GRID2: variants seen among roughly 807,000 people sequenced by gnomAD.
GRID2 encodes the protein glutamate receptor ionotropic, delta-2.
Under a neutral mutation model 114.8 loss-of-function variants are expected in GRID2, and 33 were observed. The observed-to-expected ratio is 0.29, with a 90% CI of 0.22 to 0.38. The LOEUF (loss-of-function observed/expected upper bound fraction) is 0.38, where lower values mean the gene tolerates loss of function less well. Among genes scored for constraint, GRID2 ranks in the 10% least tolerant of loss-of-function variants. GRID2 has a pLI of 1.00. For missense variants in GRID2, 1,184 were observed against 1,257.7 expected (o/e 0.94, Z 0.89); for synonymous variants, 505 against 449.9 (o/e 1.12, Z -1.55).
intron 1 of GRID2, among the ~76,000 whole-genome samples, chr4:93,797,994 A>C (rs1265276474): frequency 6.6e-6 from 1 of 152,002 alleles, no homozygotes; most frequent in Non-Finnish European, 1.5e-5. Flanking sequence ...CTCTACTAAA[A>C]ATACAAAAAT....
At position 93,610,876 on chromosome 4, in the gene GRID2, T is replaced by A. The variant is rs941695777; in HGVS notation, c.2194-15393T>A. Among the ~76,000 whole-genome samples, 4 of 138,016 alleles carry A rather than the reference T, an allele frequency of 2.9e-5. 1 individual carries two copies. The highest frequency in any genetic ancestry group is 6.0e-5 in the African/African-American group (2 of 33,266). 90.5% of individuals were successfully genotyped at this position (138,016 alleles called of 152,430 possible). ...CTCTTTTTCTATTGATTGGAATAGT[T>A]TCAGAAGGAATGGTACCAGTTCCTC... On this transcript the variant is annotated intron_variant, in intron 13 of 15. Coordinates refer to ENST00000282020, the MANE Select transcript of GRID2 (RefSeq NM_001510.4).
chr4:93,658,592 C>A (rs1285099746), intron 14 of GRID2, among the ~76,000 whole-genome samples: 1 of 152,174 alleles, frequency 6.6e-6, no homozygotes, highest in Non-Finnish European at 1.5e-5. Flanking sequence ...TATTCAAACC[C>A]TTATAGTCTG....
intron 8 of GRID2, among the ~76,000 whole-genome samples, chr4:93,363,780 A>C (rs1030336139): frequency 6.6e-6 from 1 of 151,950 alleles, no homozygotes; most frequent in Non-Finnish European, 1.5e-5. Context: ...GCACCCCTTT[A>C]CTTCCTCTTC....
downstream of GRID2, among the ~76,000 whole-genome samples, chr4:93,778,644 C>A (rs1019685802): frequency 6.6e-5 from 10 of 152,058 alleles, no homozygotes; most frequent in Non-Finnish European, 1.0e-4. Flanking sequence ...ATGATCTGCC[C>A]CTCTCAGTCT....
At chr4:93,755,076 T>G (rs1732631550) in intron 14 of GRID2, among the ~76,000 whole-genome samples, 1 of 152,214 alleles carries the variant, frequency 6.6e-6, no homozygotes, top group Non-Finnish European at 1.5e-5. Flanking sequence ...CTCATGAACT[T>G]GCACAGGAAT....
At position 92,728,317 on chromosome 4, in the gene GRID2, TCAGAAACC is replaced by T. The variant is rs1294501645; in HGVS notation, c.244+138039_244+138046del. Among the ~76,000 whole-genome samples the T allele has an allele frequency of 5.9e-5, 9 of 152,184 alleles. No individual in the cohort carries two copies. In the East Asian group the frequency reaches 1.7e-3, roughly 29 times the overall value. On this transcript the variant is annotated intron_variant, in intron 2 of 15. Coordinates refer to ENST00000282020, the MANE Select transcript of GRID2 (RefSeq NM_001510.4). ...TTTATTATATCACAATTGCTGTGGG[TCAGAAACC>T]CAGAAACAACTTATCTGGGTAAGTC...
In GRID2 at chr4:92,598,527, G is replaced by A. The variant is rs150386744; in HGVS notation, c.244+8241G>A. Among the ~76,000 whole-genome samples the A allele has an allele frequency of 4.5e-3, 689 of 152,028 alleles. 2 individuals are homozygous for A. Among genetic ancestry groups the A allele is most frequent in the Admixed American group, 7.3e-3 (111 of 15,246 alleles). On this transcript the variant is annotated intron_variant, in intron 2 of 15. Transcript: ENST00000282020. ...TCTTAAACTTGGTTTCATTTACCTC[G>A]CAGGGAAAAACATATATATTAAGTT... is the stretch of plus-strand genomic sequence containing the variant.
At chr4:93,440,674 G>A (rs1721542375) in intron 10 of GRID2, among the ~76,000 whole-genome samples, 2 of 152,092 alleles carry the variant, frequency 1.3e-5, no homozygotes, top group Non-Finnish European at 2.9e-5. Flanking sequence ...TGTTGATAAG[G>A]AAGGATTTTA....
chr4:92,666,650 G>GGTTTTTTT (rs1732792354), intron 2 of GRID2, among the ~76,000 whole-genome samples: 1 of 68,594 alleles, frequency 1.5e-5, no homozygotes, highest in Non-Finnish European at 2.8e-5. Flanking sequence ...CTTAAGGGTT[G>GGTTTTTTT]TTTTTTTTTT....
intron 4 of GRID2, among the ~76,000 whole-genome samples, chr4:93,170,570 T>G (rs1738708536): frequency 6.6e-6 from 1 of 152,166 alleles, no homozygotes; most frequent in African/African-American, 2.4e-5. Context: ...TAATAGCAGT[T>G]TTATTTTGGT....
At chr4:93,319,855 T>C (rs1041874130) in intron 8 of GRID2, 12 of 152,058 alleles carry the variant, frequency 7.9e-5, no homozygotes, top group African/African-American at 2.9e-4. Context: ...TGGAAGTGGA[T>C]TATTTCTTAG....
intron 1 of GRID2, among the ~76,000 whole-genome samples, chr4:92,432,836 A>T (rs1469976565): frequency 6.6e-6 from 1 of 152,110 alleles, no homozygotes; most frequent in Non-Finnish European, 1.5e-5. Context: ...TAGCCACCGC[A>T]GCTGGGAATG....
At chr4:92,589,031 G>A (rs969941406) in intron 1 of GRID2, among the ~76,000 whole-genome samples, 4 of 152,132 alleles carry the variant, frequency 2.6e-5, no homozygotes, top group African/African-American at 7.2e-5. Flanking sequence ...GCTTGAACCC[G>A]GGAGGCGGAG....
intron 2 of GRID2, among the ~76,000 whole-genome samples, chr4:92,866,726 T>G (rs908618747): frequency 1.3e-5 from 2 of 151,142 alleles, no homozygotes; most frequent in African/African-American, 4.9e-5. Flanking sequence ...TTTTTTTTTG[T>G]ACTTTTTAAT....
intron 2 of GRID2, among the ~76,000 whole-genome samples, chr4:92,947,228 G>T (rs1045976102): frequency 1.3e-5 from 2 of 151,954 alleles, no homozygotes; most frequent in Admixed American, 1.3e-4. Flanking sequence ...ATTCTAAAGA[G>T]AAAAACAATG....
chr4:92,494,015 A>G (rs1723271834), intron 1 of GRID2, among the ~76,000 whole-genome samples: 1 of 152,150 alleles, frequency 6.6e-6, no homozygotes, highest in Non-Finnish European at 1.5e-5. Flanking sequence ...TCAGCTATTT[A>G]ACTATTATTT....
chr4:92,570,898 G>T (rs1229600075), intron 1 of GRID2, among the ~76,000 whole-genome samples: 1 of 152,066 alleles, frequency 6.6e-6, no homozygotes, highest in Non-Finnish European at 1.5e-5. Flanking sequence ...TGCAAACAAG[G>T]ATATTTTGAC....
intron 2 of GRID2, among the ~76,000 whole-genome samples, chr4:92,938,211 A>G (rs1383256450): frequency 6.8e-6 from 1 of 146,666 alleles, no homozygotes; most frequent in African/African-American, 2.4e-5. Flanking sequence ...ATCATGATAT[A>G]GGATCCTTTT....
At chr4:92,669,750 T>G (rs1732964272) in intron 2 of GRID2, among the ~76,000 whole-genome samples, 1 of 152,162 alleles carries the variant, frequency 6.6e-6, no homozygotes, top group Admixed American at 6.6e-5. Flanking sequence ...TAATTTTACT[T>G]ATGATAGAGA....
Sources: allele counts gnomAD v4.1 joint callset (sites outside exome capture counted in the v4.1 genomes callset), GRCh38; gene constraint gnomAD v4.1.1; transcripts MANE v1.5; gene names NCBI Gene and HGNC (gene_info 2026-07-23, HGNC 2026-07-21).